The following PRR16 variants were observed in gnomAD, a reference collection of about 807,000 sequenced individuals.
The protein encoded by PRR16 is protein Largen.
In PRR16, 6 loss-of-function variants were observed where a neutral mutation model predicts 18.2. That is an observed-to-expected ratio of 0.33 (90% CI 0.18 to 0.65). The LOEUF is 0.65. PRR16 is among the 30% of genes least tolerant of loss of function. PRR16 has a pLI of 0.74. For synonymous variants in PRR16, 151 were observed against 147.8 expected, an observed-to-expected ratio of 1.02 and a Z score of -0.16; for missense variants, 412 against 376.6, an observed-to-expected ratio of 1.09 and a Z score of -0.78.
chr5:120,782,298 CCCCTCCAAAACCACAAT>C, the PRR16 span, among the ~76,000 whole-genome samples: 1 of 152,116 alleles, frequency 6.6e-6, no homozygotes, highest in Non-Finnish European at 1.5e-5. Context: ...CAGAAGTACC[CCCCTCCAAAACCACAAT>C]CCCTCCATAC....
At chr5:120,589,872 C>T (rs1470743638) in intron 1 of PRR16, among the ~76,000 whole-genome samples, 1 of 152,046 alleles carries the variant, frequency 6.6e-6, no homozygotes, top group Non-Finnish European at 1.5e-5. Flanking sequence ...AGTCCTTTGA[C>T]CAACTGATCA....
At chr5:120,654,423 T>C (rs1755898211) in intron 1 of PRR16, among the ~76,000 whole-genome samples, 1 of 152,010 alleles carries the variant, frequency 6.6e-6, no homozygotes, top group South Asian at 2.1e-4. Flanking sequence ...ATGGCCTTTT[T>C]TTCCCTAGTA....
chr5:120,668,274 A>C (rs1372151797), intron 1 of PRR16, among the ~76,000 whole-genome samples: 1 of 151,320 alleles, frequency 6.6e-6, no homozygotes, highest in Non-Finnish European at 1.5e-5. Flanking sequence ...CTAGGATTGC[A>C]ACCCCTGCCT....
intron 1 of PRR16, among the ~76,000 whole-genome samples, chr5:120,558,145 A>T (rs560543265): frequency 6.6e-6 from 1 of 152,000 alleles, no homozygotes; most frequent in East Asian, 1.9e-4. Flanking sequence ...TTTACAAATA[A>T]TCCAATTATA....
intron 1 of PRR16, among the ~76,000 whole-genome samples, chr5:120,499,622 T>A (rs1750380429): frequency 6.6e-6 from 1 of 152,158 alleles, no homozygotes; most frequent in Non-Finnish European, 1.5e-5. Context: ...ATATCTTATA[T>A]CTTTGCTGAG....
At chr5:120,715,572 A>C in the PRR16 span, among the ~76,000 whole-genome samples, 1 of 152,218 alleles carries the variant, frequency 6.6e-6, no homozygotes, top group Non-Finnish European at 1.5e-5. Flanking sequence ...TATCAATGCT[A>C]TCTGCAATTT....
intron 1 of PRR16, among the ~76,000 whole-genome samples, chr5:120,683,312 G>C (rs891869490): frequency 3.3e-5 from 5 of 152,036 alleles, no homozygotes; most frequent in Non-Finnish European, 7.4e-5. Context: ...CCAACATAGT[G>C]AAATCCCGTC....
the PRR16 span, chr5:120,710,843 T>C: frequency 2.6e-5 from 4 of 152,202 alleles, no homozygotes; most frequent in Non-Finnish European, 5.9e-5. Context: ...GTGAAGTTTG[T>C]ATTATCTTAT....
intron 1 of PRR16, among the ~76,000 whole-genome samples, chr5:120,479,341 C>CT (rs1193331484): frequency 2.0e-5 from 3 of 152,056 alleles, no homozygotes; most frequent in African/African-American, 7.2e-5. Flanking sequence ...AAAGACCATG[C>CT]TATGTTGCAA....
chr5:120,624,016 G>T (rs527643151), intron 1 of PRR16, among the ~76,000 whole-genome samples: 2 of 152,018 alleles, frequency 1.3e-5, no homozygotes, highest in East Asian at 3.9e-4. Context: ...TGATTAAAAA[G>T]TTAAAAAATG....
At chr5:120,734,929 T>C in the PRR16 span, among the ~76,000 whole-genome samples, 1 of 152,214 alleles carries the variant, frequency 6.6e-6, no homozygotes, top group Admixed American at 6.5e-5. Context: ...TAGACACATT[T>C]TTCTTTCAAA....
chr5:120,704,111 A>T, the PRR16 span, among the ~76,000 whole-genome samples: 5 of 152,228 alleles, frequency 3.3e-5, no homozygotes, highest in Non-Finnish European at 5.9e-5. Context: ...TCTTAAGAGA[A>T]CACAGGCTCC....
chr5:120,645,073 C>A (rs762493633), intron 1 of PRR16, among the ~76,000 whole-genome samples: 1 of 152,058 alleles, frequency 6.6e-6, no homozygotes, highest in African/African-American at 2.4e-5. Context: ...TTCTCTGAAA[C>A]CTATACCTTT....
the PRR16 span, among the ~76,000 whole-genome samples, chr5:120,789,735 T>TTA: frequency 1.3e-5 from 2 of 152,138 alleles, no homozygotes; most frequent in African/African-American, 4.8e-5. Context: ...TGTACTTAAA[T>TTA]TTTGATAACT....
At chr5:120,502,848 A>G (rs1023977651) in intron 1 of PRR16, among the ~76,000 whole-genome samples, 9 of 152,184 alleles carry the variant, frequency 5.9e-5, no homozygotes, top group African/African-American at 2.2e-4. Context: ...TTGCGTCCCA[A>G]AAAATAATAG....
chr5:120,787,849 T>A, the PRR16 span, among the ~76,000 whole-genome samples: 1 of 152,084 alleles, frequency 6.6e-6, no homozygotes, highest in Non-Finnish European at 1.5e-5. Flanking sequence ...CCAGTACCAT[T>A]AGCATAAATA....
intron 1 of PRR16, among the ~76,000 whole-genome samples, chr5:120,579,218 G>C (rs1335950021): frequency 6.6e-6 from 1 of 152,094 alleles, no homozygotes; most frequent in East Asian, 1.9e-4. Context: ...TCACTCTGAT[G>C]ATAGTTTCTT....
chr5:120,701,515 G>C, the PRR16 span, among the ~76,000 whole-genome samples: 2 of 152,210 alleles, frequency 1.3e-5, no homozygotes, highest in African/African-American at 2.4e-5. Context: ...CTGGGCAGGA[G>C]GGGGAGGGCT....
chr5:120,783,504 G>C, the PRR16 span, among the ~76,000 whole-genome samples: 1 of 151,742 alleles, frequency 6.6e-6, no homozygotes, highest in African/African-American at 2.4e-5. Context: ...GTCTACCTAG[G>C]ATGCTTCCCT....
Sources: allele counts gnomAD v4.1 joint callset (sites outside exome capture counted in the v4.1 genomes callset), GRCh38; gene constraint gnomAD v4.1.1; transcripts MANE v1.5; gene names NCBI Gene and HGNC (gene_info 2026-07-23, HGNC 2026-07-21).